AHR: variants seen among roughly 807,000 people sequenced by gnomAD.
The protein encoded by AHR is AH-receptor.
AHR carries 40 observed loss-of-function variants against 86.8 expected under a neutral mutation model. The ratio of observed to expected loss-of-function variants is 0.46; its 90% CI spans 0.36 to 0.60. The LOEUF (loss-of-function observed/expected upper bound fraction) is 0.60, where lower values mean the gene tolerates loss of function less well. Among genes scored for constraint, AHR ranks in the 20% least tolerant of loss-of-function variants. The pLI is 0.00. For missense variants in AHR, 1,001 were observed against 1,011.6 expected, an observed-to-expected ratio of 0.99 and a Z score of 0.14; for synonymous variants, 398 against 354.9, an observed-to-expected ratio of 1.12 and a Z score of -1.37.
chr7:17,306,004 T>G (rs1382259758), intron 1 of AHR, among the ~76,000 whole-genome samples: 1 of 152,080 alleles, frequency 6.6e-6, no homozygotes, highest in African/African-American at 2.4e-5. Context: ...ATTTTACAGA[T>G]TGGGACAAGA....
chr7:17,330,237 T>G (rs917815574), intron 5 of AHR, among the ~76,000 whole-genome samples, 162 bp downstream of exon 5: 4 of 151,918 alleles, frequency 2.6e-5, no homozygotes, highest in Admixed American at 2.0e-4. Context: ...AAGAGCCTGA[T>G]GAGCTAAGGA....
chr7:17,308,047 C>T (rs1239448722), intron 1 of AHR, among the ~76,000 whole-genome samples: 7 of 152,118 alleles, frequency 4.6e-5, no homozygotes. Flanking sequence ...GCACTCACCG[C>T]CCTAAAAGTT....
At chr7:17,337,485 T>C (rs932290871) in intron 9 of AHR, among the ~76,000 whole-genome samples, 1 of 150,192 alleles carries the variant, frequency 6.7e-6, no homozygotes, top group African/African-American at 2.4e-5. Context: ...TGTTTTTTTT[T>C]TTTTTTTGAG....
At chr7:17,340,367 G>A in intron 10 of AHR, 139 bp downstream of exon 10, 2 of 1,176,210 alleles carry the variant, frequency 1.7e-6, no homozygotes, top group Non-Finnish European at 2.3e-6. Context: ...TTATATCTGT[G>A]ACTACCTTTT....
intron 1 of AHR, among the ~76,000 whole-genome samples, chr7:17,309,054 C>A (rs952209380): frequency 6.6e-6 from 1 of 152,120 alleles, no homozygotes; most frequent in African/African-American, 2.4e-5. Flanking sequence ...TTTAAATTCA[C>A]TTTAAGTGAT....
At position 17,340,800 on chromosome 7, in the gene AHR, C is replaced by T. The variant is rs532835112; in HGVS notation, c.2403+572C>T. 9.2e-5 allele frequency among the ~76,000 whole-genome samples: 14 copies of T among 152,154 alleles called. No individual in the cohort carries two copies. In the South Asian group the frequency reaches 2.9e-3, roughly 32 times the overall value. The stretch of plus-strand genomic sequence containing the variant: ...CTAGCTATTCCTCCACATTACCTCC[C>T]CTATCCTCATCTCATCCTTTAAGGT... On this transcript the variant is annotated intron_variant, in intron 10 of 10. Transcript: ENST00000242057.
intron 2 of AHR, among the ~76,000 whole-genome samples, chr7:17,313,930 G>T (rs1309687216): frequency 1.3e-5 from 2 of 152,082 alleles, no homozygotes; most frequent in African/African-American, 4.8e-5. Flanking sequence ...GTTAAACAGT[G>T]TACACTGGGC....
chr7:17,299,151 G>C lies in AHR; in HGVS notation c.-114G>C, dbSNP rs905556412. ...GTCCCGAGAGGACGCAGGTGGAGCG[G>C]GCGCGGCTTCGCGGAACCCGGCGCC... On this transcript the variant is annotated 5_prime_UTR_variant, in exon 1 of 11. Coordinates refer to ENST00000242057, the MANE Select transcript of AHR (RefSeq NM_001621.5). 4 of 1,171,234 alleles carry C rather than the reference G, an allele frequency of 3.4e-6. No homozygotes were observed. The highest frequency in any genetic ancestry group is 2.9e-5 in the East Asian group (1 of 34,826). The allele number at this position is 1,171,234 out of a possible 1,614,324, so 72.6% of individuals were successfully genotyped here. A position where few individuals can be genotyped will look rare whatever the true frequency, so the allele number is the denominator to read the frequency against.
At chr7:17,337,710 C>T (rs894788879) in intron 9 of AHR, among the ~76,000 whole-genome samples, 7 of 150,476 alleles carry the variant, frequency 4.7e-5, no homozygotes, top group African/African-American at 9.7e-5. Flanking sequence ...CTCCTGACCT[C>T]GTGATCCGCC....
intron 1 of AHR, among the ~76,000 whole-genome samples, chr7:17,306,063 C>T (rs1039904334): frequency 6.6e-6 from 1 of 152,120 alleles, no homozygotes; most frequent in Admixed American, 6.6e-5. Context: ...CTTTGCCTGA[C>T]CAACATCATA....
intron 10 of AHR, among the ~76,000 whole-genome samples, chr7:17,342,233 C>T (rs1782434051): frequency 6.6e-6 from 1 of 152,088 alleles, no homozygotes; most frequent in Non-Finnish European, 1.5e-5. Context: ...AGCTATACAT[C>T]TTCATGTCCT....
At chr7:17,306,902 A>G (rs955304172) in intron 1 of AHR, among the ~76,000 whole-genome samples, 13 of 152,146 alleles carry the variant, frequency 8.5e-5, no homozygotes, top group Non-Finnish European at 1.8e-4. Flanking sequence ...ATTAATTGAG[A>G]ATCCACTCTA....
rs1782328078 is a variant in AHR at position 17,333,940 on chromosome 7, A to G, written c.734A>G (p.Tyr245Cys). The G allele has an allele frequency of 1.9e-6, 3 of 1,613,152 alleles. No individual in the cohort carries two copies. Among genetic ancestry groups the G allele is most frequent in the Non-Finnish European group, 1.7e-6 (2 of 1,179,392 alleles). Reference sequence around the variant, plus strand: ...ATGAATTTCCAAGGGAAGTTAAAGTATCTTCATGGACAGAAAAAGAAAGGG... The same window carrying G: ...ATGAATTTCCAAGGGAAGTTAAAGTGTCTTCATGGACAGAAAAAGAAAGGG... The part of the protein sequence containing the change: ...LAMNFQGKLK[Y>C]LHGQKKKGKD... Residue 245 changes from tyrosine to cysteine, a missense_variant, in exon 7 of 11, where the codon TAT becomes TGT. Tyr to Cys is a radical substitution (Grantham distance 194). Around this residue, in one of 2 missense-constraint regions of AHR, gnomAD observed 394 missense variants for 468.5 expected, o/e 0.84. Transcript: ENST00000242057.
chr7:17,336,004 ACT>A (rs1782351405), intron 9 of AHR: 4 of 414,260 alleles, frequency 9.7e-6, no homozygotes, highest in Admixed American at 8.8e-5. Context: ...GAATAATAAA[ACT>A]CTAGGGTTTT....
At chr7:17,302,068 T>G (rs1339021873) in intron 1 of AHR, among the ~76,000 whole-genome samples, 1 of 152,020 alleles carries the variant, frequency 6.6e-6, no homozygotes, top group African/African-American at 2.4e-5. Context: ...TTAAATAGAA[T>G]GTTTTTCCCT....
At position 17,339,313 on chromosome 7, in the gene AHR, G is replaced by T. The variant is rs1782391382; in HGVS notation, c.1488G>T (p.Trp496Cys). ...AATCTATGAATGAATGCAGAAATTG[G>T]CAAGATAATACTGCACCGATGGGAA... is the stretch of plus-strand genomic sequence containing the variant. ...FNESMNECRNWQDNTAPMGND... is the reference protein window; with the variant it reads ...FNESMNECRNCQDNTAPMGND... Residue 496 changes from tryptophan (W) to cysteine (C), a missense_variant, in exon 10 of 11, where the codon TGG (tryptophan) becomes TGT (cysteine). By Grantham distance (215) the Trp-to-Cys change is radical. Transcript: ENST00000242057. The T allele has an allele frequency of 1.2e-6, 2 of 1,613,980 alleles. No homozygotes were observed. The highest frequency in any genetic ancestry group is 1.7e-5 in the Admixed American group (1 of 59,998).
chr7:17,339,088 T>G lies in AHR; in HGVS notation c.1263T>G (p.Pro421=). ...AVLYEATNPF[P]AIMDPLPLRT... The stretch of plus-strand genomic sequence containing the variant: ...TGTATGAGGCAACCAACCCTTTTCC[T>G]GCCATAATGGATCCCTTACCACTAA... The change falls in exon 10 of 11, where the codon CCT becomes CCG. Residue 421 remains proline (P), a synonymous_variant. Transcript: ENST00000242057. 1 of 1,614,160 alleles carries G rather than the reference T, an allele frequency of 6.2e-7. No homozygotes were observed. Among genetic ancestry groups the G allele is most frequent in the Non-Finnish European group, 8.5e-7 (1 of 1,180,024 alleles).
chr7:17,321,350 T>C (rs752357003), intron 2 of AHR, among the ~76,000 whole-genome samples: 5 of 151,918 alleles, frequency 3.3e-5, no homozygotes, highest in Non-Finnish European at 5.9e-5. Context: ...CCCTGCAAGA[T>C]GTGCTTTAAA....
In AHR at chr7:17,311,852, A is replaced by G. The variant is rs1412678430; in HGVS notation, c.253+1729A>G. On this transcript the variant is annotated intron_variant, in intron 2 of 10. Transcript: ENST00000242057. ...TAGAACTCAGGTTTCTAGATTCCTT[A>G]TATTGTTTTTCCTGACCAAATAATA... is the stretch of plus-strand genomic sequence containing the variant. 2.6e-5 allele frequency among the ~76,000 whole-genome samples: 4 copies of G among 152,148 alleles called. No individual in the cohort carries two copies. In the South Asian group the frequency reaches 6.2e-4, roughly 24 times the overall value.
Sources: gnomAD v4.1 joint callset for allele counts (sites outside exome capture counted in the v4.1 genomes callset) on GRCh38, gnomAD v4.1.1 for gene constraint, gnomAD v4.1.1 regional missense constraint, MANE v1.5 for transcripts, NCBI Gene and HGNC (gene_info 2026-07-23, HGNC 2026-07-21) for gene names.